The following LPP variants were observed in gnomAD, a reference collection of about 807,000 sequenced individuals.
LPP encodes LIM domain containing preferred translocation partner in lipoma, also known as lipoma-preferred partner.
LPP carries 38 observed loss-of-function variants against 60.4 expected under a neutral mutation model. The observed-to-expected ratio is 0.63, with a 90% CI of 0.49 to 0.83. The LOEUF (loss-of-function observed/expected upper bound fraction) is 0.83, where lower values mean the gene tolerates loss of function less well. Among genes scored for constraint, LPP ranks in the 40% least tolerant of loss-of-function variants. The probability of loss-of-function intolerance (pLI) is 0.00; values close to 1 mark genes in which losing one functional copy is unlikely to be tolerated. For synonymous variants in LPP, 328 were observed against 290.8 expected (o/e 1.13, Z -1.30); for missense variants, 902 against 783.6 (o/e 1.15, Z -1.80).
intron 4 of LPP, among the ~76,000 whole-genome samples, chr3:188,463,253 A>T (rs1799575866): frequency 6.6e-6 from 1 of 152,064 alleles, no homozygotes; most frequent in African/African-American, 2.4e-5. Context: ...TGAGTGGCAC[A>T]ATCATGGCTC....
intron 9 of LPP, among the ~76,000 whole-genome samples, chr3:188,816,482 T>A (rs773093622): frequency 4.6e-5 from 7 of 152,056 alleles, no homozygotes; most frequent in Non-Finnish European, 7.4e-5. Context: ...ATTACAGGCG[T>A]GAGCCACCAT....
chr3:188,517,141 A>G (rs9824457), intron 5 of LPP, among the ~76,000 whole-genome samples: 1 of 152,180 alleles, frequency 6.6e-6, no homozygotes, highest in African/African-American at 2.4e-5. Flanking sequence ...GCATAAACCT[A>G]TTTAATTTTT....
chr3:188,696,869 A>G (rs1354673499), intron 7 of LPP, among the ~76,000 whole-genome samples: 1 of 152,116 alleles, frequency 6.6e-6, no homozygotes, highest in Non-Finnish European at 1.5e-5. Context: ...ACTCATTTTG[A>G]TGACTGCTTT....
chr3:188,505,735 T>C (rs73890535), intron 5 of LPP, among the ~76,000 whole-genome samples: 2,450 of 152,336 alleles, frequency 0.016, 63 homozygotes, highest in African/African-American at 0.055. Flanking sequence ...TTTCAATCTC[T>C]TTATTTTCTT....
chr3:188,656,067 C>CTGT (rs1012797269), intron 7 of LPP, among the ~76,000 whole-genome samples: 1 of 151,952 alleles, frequency 6.6e-6, no homozygotes, highest in Non-Finnish European at 1.5e-5. Flanking sequence ...TGGTGCATGC[C>CTGT]TGTAATCCCA....
intron 7 of LPP, among the ~76,000 whole-genome samples, chr3:188,631,929 T>A (rs879459398): frequency 4.6e-5 from 7 of 152,140 alleles, no homozygotes; most frequent in African/African-American, 7.2e-5. Context: ...GATTCTAACA[T>A]TTCCCTACAT....
chr3:188,806,499 T>A (rs1365309411), intron 9 of LPP, among the ~76,000 whole-genome samples: 1 of 151,922 alleles, frequency 6.6e-6, no homozygotes, highest in Non-Finnish European at 1.5e-5. Flanking sequence ...TTATCCAATT[T>A]GACCATCTGT....
At position 188,825,861 on chromosome 3, in the gene LPP, G is replaced by A. The variant is rs1755341949; in HGVS notation, c.1411-40339G>A. ...CCCATCTTGACTGAGGCACAGAGAT[G>A]TCCTGTTCCCATGCTGTTGATGCTG... is the stretch of plus-strand genomic sequence containing the variant. On this transcript the variant is annotated intron_variant, in intron 9 of 11. Coordinates refer to ENST00000617246, the MANE Select transcript of LPP (RefSeq NM_001375462.1). Among the ~76,000 whole-genome samples the A allele has an allele frequency of 3.9e-5, 6 of 152,100 alleles. No individual in the cohort carries two copies. In the South Asian group the frequency reaches 1.2e-3, roughly 31 times the overall value.
intron 7 of LPP, among the ~76,000 whole-genome samples, chr3:188,689,688 G>C (rs952801705): frequency 2.0e-5 from 3 of 152,110 alleles, no homozygotes; most frequent in Non-Finnish European, 4.4e-5. Flanking sequence ...GTCTCTCTGA[G>C]GTCCATATGG....
intron 7 of LPP, among the ~76,000 whole-genome samples, chr3:188,648,394 G>A (rs1321974540): frequency 2.6e-5 from 4 of 152,072 alleles, no homozygotes; most frequent in African/African-American, 4.8e-5. Context: ...AATCAGGATG[G>A]GAAGTTAGAT....
At chr3:188,447,086 C>A (rs1013883670) in intron 4 of LPP, among the ~76,000 whole-genome samples, 11 of 152,048 alleles carry the variant, frequency 7.2e-5, no homozygotes, top group Admixed American at 2.6e-4. Flanking sequence ...GGATACAGAA[C>A]CTTAGAAAGC....
chr3:188,330,837 C>A (rs570346704), intron 2 of LPP, among the ~76,000 whole-genome samples: 166 of 137,228 alleles, frequency 1.2e-3, no homozygotes, highest in Admixed American at 1.7e-3. Context: ...GTCAGTCAGT[C>A]AGTAAGTAAG....
In LPP at chr3:188,204,637, TTCG is replaced by T. The variant is rs1732643154; in HGVS notation, c.-189-20766_-189-20764del. Among the ~76,000 whole-genome samples, 3 of 152,316 alleles carry T rather than the reference TTCG, an allele frequency of 2.0e-5. No homozygotes were observed. In the East Asian group the frequency reaches 5.8e-4, roughly 29 times the overall value. ...TAGTGAGGGGGAAGGTAGGATTGTT[TTCG>T]TTCCTGTTTTACAGACAAGGAAATT... On this transcript the variant is annotated intron_variant, in intron 1 of 11. Coordinates refer to ENST00000617246, the MANE Select transcript of LPP (RefSeq NM_001375462.1).
intron 2 of LPP, among the ~76,000 whole-genome samples, chr3:188,324,258 C>T (rs539006362): frequency 1.3e-5 from 2 of 152,246 alleles, no homozygotes; most frequent in South Asian, 4.2e-4. Flanking sequence ...ATTATTTGCC[C>T]TCAAGTCTTT....
At chr3:188,835,771 G>T (rs1577879397) in intron 9 of LPP, among the ~76,000 whole-genome samples, 1 of 152,126 alleles carries the variant, frequency 6.6e-6, no homozygotes. Context: ...ATTATGAATG[G>T]GCAGAGAGGC....
chr3:188,378,438 G>T (rs984124827), intron 3 of LPP, among the ~76,000 whole-genome samples: 1 of 152,166 alleles, frequency 6.6e-6, no homozygotes, highest in African/African-American at 2.4e-5. Context: ...CAGCCTCACT[G>T]CCGCCTTGTT....
At chr3:188,398,861 A>G (rs1237330108) in intron 3 of LPP, among the ~76,000 whole-genome samples, 2 of 152,228 alleles carry the variant, frequency 1.3e-5, no homozygotes, top group Non-Finnish European at 2.9e-5. Context: ...TCAACCCAAG[A>G]ATCCTTCCTT....
intron 8 of LPP, among the ~76,000 whole-genome samples, chr3:188,732,233 G>A (rs1462250265): frequency 6.6e-6 from 1 of 152,132 alleles, no homozygotes; most frequent in Non-Finnish European, 1.5e-5. Flanking sequence ...GTTCCCCCAT[G>A]GAAATGTTTA....
chr3:188,585,057 T>G (rs1413721241), intron 6 of LPP, among the ~76,000 whole-genome samples: 1 of 152,204 alleles, frequency 6.6e-6, no homozygotes, highest in Admixed American at 6.5e-5. Context: ...CAAGTATTGG[T>G]GAAGTTTGAT....
Sources: gnomAD v4.1 joint callset for allele counts (sites outside exome capture counted in the v4.1 genomes callset) on GRCh38, gnomAD v4.1.1 for gene constraint, MANE v1.5 for transcripts, NCBI Gene and HGNC (gene_info 2026-07-23, HGNC 2026-07-21) for gene names.